The following BICRA variants were observed in gnomAD, a reference collection of about 807,000 sequenced individuals.
BICRA encodes BRD4 interacting chromatin remodeling complex associated protein, also known as BRD4-interacting chromatin-remodeling complex-associated protein.
In BICRA, 31 loss-of-function variants were observed where a neutral mutation model predicts 96.9. That is an observed-to-expected ratio of 0.32 (90% CI 0.24 to 0.43). BICRA has a LOEUF of 0.43. Ranked by LOEUF, BICRA falls within the 20% of genes least tolerant of loss-of-function variation. The pLI is 1.00. For synonymous variants in BICRA, 1,350 were observed against 1,071.8 expected, an observed-to-expected ratio of 1.26 and a Z score of -5.07; for missense variants, 2,283 against 2,190.3, an observed-to-expected ratio of 1.04 and a Z score of -0.84.
chr19:47,611,609 C>T (rs1599775360), intron 1 of BICRA, among the ~76,000 whole-genome samples: 1 of 152,206 alleles, frequency 6.6e-6, no homozygotes, highest in Admixed American at 6.5e-5. Flanking sequence ...GACCCGCTGT[C>T]GCTTTGCCAC....
intron 11 of BICRA, among the ~76,000 whole-genome samples, chr19:47,697,275 C>T (rs181962828): frequency 6.6e-6 from 1 of 151,842 alleles, no homozygotes; most frequent in East Asian, 2.0e-4. Context: ...TGAGCCACCA[C>T]GCCCAGCCCA....
At chr19:47,626,161 A>G (rs1405529118) in intron 1 of BICRA, 1 of 152,174 alleles carries the variant, frequency 6.6e-6, no homozygotes, top group African/African-American at 2.4e-5. Context: ...CACAGCCAGC[A>G]CTTACCTTGG....
chr19:47,694,719 T>C lies in BICRA; in HGVS notation c.2888T>C (p.Phe963Ser). 1 of 1,512,858 alleles carries C rather than the reference T, an allele frequency of 6.6e-7. No homozygotes were observed. Among genetic ancestry groups the C allele is most frequent in the Non-Finnish European group, 9.0e-7 (1 of 1,106,308 alleles). 93.7% of individuals were successfully genotyped at this position (1,512,858 alleles called of 1,614,324 possible). ...LPQPKALLER[F>S]HQVPSGIILQ... ...CAGCCGAAGGCTCTTCTCGAGAGATTTCACCAGGTAACGGGAGGCAGGGAC... is the reference window on the plus strand; with the variant it reads ...CAGCCGAAGGCTCTTCTCGAGAGATCTCACCAGGTAACGGGAGGCAGGGAC... Residue 963 changes from phenylalanine (F) to serine (S), a missense_variant, in exon 8 of 15, where the codon TTT becomes TCT. By Grantham distance (155) the Phe-to-Ser change is radical (BLOSUM62 -2). Coordinates refer to ENST00000594866, the MANE Select transcript of BICRA (RefSeq NM_001394372.1).
chr19:47,678,074 C>T (rs1380335340), intron 5 of BICRA, among the ~76,000 whole-genome samples: 1 of 152,092 alleles, frequency 6.6e-6, no homozygotes. Flanking sequence ...TGTTGTGGGC[C>T]TATATCACTA....
chr19:47,645,865 G>A (rs1434449202), intron 1 of BICRA, among the ~76,000 whole-genome samples: 1 of 152,198 alleles, frequency 6.6e-6, no homozygotes, highest in Non-Finnish European at 1.5e-5. Flanking sequence ...GGGAGGCTGA[G>A]GCAGGCAGAT....
At chr19:47,632,884 A>G (rs529690100) in intron 1 of BICRA, among the ~76,000 whole-genome samples, 16 of 152,112 alleles carry the variant, frequency 1.1e-4, no homozygotes, top group Admixed American at 9.2e-4. Context: ...CTTCTCAGGC[A>G]AGTTCTCTGT....
At chr19:47,649,906 A>G (rs1040697205) in intron 1 of BICRA, among the ~76,000 whole-genome samples, 1 of 152,154 alleles carries the variant, frequency 6.6e-6, no homozygotes, top group Admixed American at 6.6e-5. Flanking sequence ...GGTTAGTGTA[A>G]AAGTAATTAG....
intron 1 of BICRA, among the ~76,000 whole-genome samples, chr19:47,640,102 T>G (rs1052828492): frequency 6.6e-6 from 1 of 152,228 alleles, no homozygotes; most frequent in East Asian, 1.9e-4. Context: ...GCTACATTAT[T>G]GAGCATCTCT....
At chr19:47,693,264 A>G (rs978693687) in intron 7 of BICRA, among the ~76,000 whole-genome samples, 3 of 152,264 alleles carry the variant, frequency 2.0e-5, no homozygotes, top group Non-Finnish European at 2.9e-5. Flanking sequence ...CGTCTGAGAC[A>G]TGCTTTAGGC....
chr19:47,610,712 C>T (rs1971893254), intron 1 of BICRA, among the ~76,000 whole-genome samples: 1 of 151,624 alleles, frequency 6.6e-6, no homozygotes, highest in Non-Finnish European at 1.5e-5. Context: ...GAAAGGGAAA[C>T]TAGAAACATC....
chr19:47,689,449 C>T (rs186625590), intron 7 of BICRA, among the ~76,000 whole-genome samples: 54 of 152,012 alleles, frequency 3.6e-4, no homozygotes, highest in African/African-American at 1.0e-3. Flanking sequence ...CTCTCTCTGT[C>T]GCCCAGGCTG....
rs73943830 is a variant in BICRA at position 47,638,091 on chromosome 19, C to G, written c.-108+28923C>G. ...TCGGCACCCACGGGTCTCTGCCTCC[C>G]TCCTCCCTCTATTCCTCTCTTCCCT... On this transcript the variant is annotated intron_variant, in intron 1 of 14. Transcript: ENST00000594866. Among the ~76,000 whole-genome samples the G allele has an allele frequency of 6.9e-3, 1,056 of 152,268 alleles. 19 individuals are homozygous for G. Among genetic ancestry groups the G allele is most frequent in the African/African-American group, 0.024 (987 of 41,546 alleles).
At chr19:47,625,298 C>CTT (rs577643609) in intron 1 of BICRA, among the ~76,000 whole-genome samples, 105 of 136,248 alleles carry the variant, frequency 7.7e-4, no homozygotes, top group East Asian at 1.8e-3. Context: ...CCAACCTGGC[C>CTT]TTTTTTTTTT....
chr19:47,646,199 C>T (rs948491766), intron 1 of BICRA, among the ~76,000 whole-genome samples: 29 of 152,152 alleles, frequency 1.9e-4, no homozygotes, highest in African/African-American at 7.0e-4. Context: ...AGGAGGGGTA[C>T]GTCCAGCATG....
In BICRA at chr19:47,696,838, T is replaced by TGAAGTGATGGGTGGGG. The variant is rs372997974; in HGVS notation, c.3248+334_3248+349dup. ...TCGGTGCTGAGCCCCACTGGGTGGG[T>TGAAGTGATGGGTGGGG]GAAGTGATGGGTGGGGGAAGTGAGT... On this transcript the variant is annotated intron_variant, in intron 11 of 14. Transcript: ENST00000594866. Among the ~76,000 whole-genome samples the TGAAGTGATGGGTGGGG allele has an allele frequency of 1.5e-3, 222 of 147,716 alleles. 1 individual carries two copies. Among genetic ancestry groups the TGAAGTGATGGGTGGGG allele is most frequent in the African/African-American group, 5.4e-3 (215 of 40,044 alleles).
rs1973050537 is a variant in BICRA, at chr19:47,681,198, G to T, written c.2028G>T (p.Lys676Asn). The change falls in exon 6 of 15, where the codon AAG becomes AAT. Residue 676 changes from lysine to asparagine, a missense_variant. Physicochemically the swap from Lys to Asn is moderately conservative, Grantham distance 94. Transcript: ENST00000594866. ...PSPGLASSPEKIVLGQPPSAT... is the reference protein window; with the variant it reads ...PSPGLASSPENIVLGQPPSAT... ...CTGGCCTGGCGTCTAGCCCGGAGAA[G>T]ATCGTCCTGGGGCAGCCGCCCTCTG... 6.5e-7 allele frequency: 1 copy of T among 1,534,284 alleles called. No homozygotes were observed. Among genetic ancestry groups the T allele is most frequent in the Admixed American group, 2.0e-5 (1 of 51,004 alleles).
At chr19:47,638,740 C>T (rs919783474) in intron 1 of BICRA, among the ~76,000 whole-genome samples, 1 of 152,102 alleles carries the variant, frequency 6.6e-6, no homozygotes, top group African/African-American at 2.4e-5. Context: ...ACTGCAACCC[C>T]CACTCCCTGG....
chr19:47,700,935 ATTGTTTTTTTGT>A, intron 14 of BICRA: 1 of 233,650 alleles, frequency 4.3e-6, no homozygotes, highest in Admixed American at 5.5e-5. Flanking sequence ...TATTTTATTT[ATTGTTTTTTTGT>A]TTGTTTGTTT....
rs1198934761 is a variant in BICRA, at chr19:47,679,983, G to A, written c.813G>A (p.Glu271=). Residue 271 remains glutamate, a synonymous_variant, in exon 6 of 15, where the codon GAG becomes GAA. Coordinates refer to ENST00000594866, the MANE Select transcript of BICRA (RefSeq NM_001394372.1). ...TGGCCTCGGCGGCTGGCCCCTCGGA[G>A]CCCGTGACGCTGGCGTCGGCCGGTG... ...GYLASAAGPS[E]PVTLASAGVS... is the part of the protein sequence containing the mutation. The A allele has an allele frequency of 4.1e-6, 6 of 1,480,988 alleles. No individual in the cohort carries two copies. The highest frequency in any genetic ancestry group is 2.5e-5 in the Admixed American group (1 of 40,328). 91.7% of individuals were successfully genotyped at this position (1,480,988 alleles called of 1,614,324 possible). A position where few individuals can be genotyped will look rare whatever the true frequency, so the allele number is the denominator to read the frequency against.
Sources: gnomAD v4.1 joint callset for allele counts (sites outside exome capture counted in the v4.1 genomes callset) on GRCh38, gnomAD v4.1.1 for gene constraint, MANE v1.5 for transcripts, NCBI Gene and HGNC (gene_info 2026-07-23, HGNC 2026-07-21) for gene names.